Variants in PATJ observed in about 807,000 individuals in gnomAD.
PATJ encodes inaD-like protein.
PATJ carries 190 observed loss-of-function variants against 224.9 expected under a neutral mutation model. The observed-to-expected ratio is 0.84, with a 90% CI of 0.75 to 0.95. The LOEUF (loss-of-function observed/expected upper bound fraction) is 0.95, where lower values mean the gene tolerates loss of function less well. Ranked by LOEUF, PATJ falls within the 40% of genes least tolerant of loss-of-function variation. The pLI is 0.00. For missense variants in PATJ, 2,121 were observed against 2,270.3 expected (o/e 0.93, Z 1.34); for synonymous variants, 769 against 820.3 (o/e 0.94, Z 1.07).
intron 21 of PATJ, among the ~76,000 whole-genome samples, chr1:61,878,787 A>ATT (rs570059873): frequency 5.1e-4 from 75 of 145,780 alleles, no homozygotes; most frequent in Middle Eastern, 3.5e-3. Flanking sequence ...GAACTTATGG[A>ATT]TTTTTTTTTT....
intron 20 of PATJ, chr1:61,865,208 CTTT>C (rs1300057735): frequency 2.1e-5 from 3 of 142,548 alleles, no homozygotes; most frequent in Non-Finnish European, 4.6e-5. Flanking sequence ...ATAAAATTTT[CTTT>C]TCTCTTTTTT....
intron 27 of PATJ, among the ~76,000 whole-genome samples, chr1:61,934,057 T>A (rs532599761): frequency 2.0e-5 from 3 of 152,148 alleles, no homozygotes; most frequent in African/African-American, 7.2e-5. Flanking sequence ...TGCCTCAGCC[T>A]CCTCAGTAGC....
chr1:62,089,272 T>G (rs1660418545), intron 33 of PATJ, among the ~76,000 whole-genome samples: 1 of 152,106 alleles, frequency 6.6e-6, no homozygotes, highest in African/African-American at 2.4e-5. Context: ...TTGCATTCAT[T>G]TGTGCTGGTG....
At chr1:62,144,766 CAAAAA>C (rs546610971) in intron 41 of PATJ, among the ~76,000 whole-genome samples, 36 of 116,454 alleles carry the variant, frequency 3.1e-4, no homozygotes, top group East Asian at 1.0e-3. Context: ...ATGTTATTTG[CAAAAA>C]AAAAAAATAT....
chr1:61,767,802 G>A (rs1361316453), intron 4 of PATJ, among the ~76,000 whole-genome samples: 1 of 150,404 alleles, frequency 6.6e-6, no homozygotes, highest in Non-Finnish European at 1.5e-5. Flanking sequence ...TCAGCTTCCC[G>A]AGTAGCTGGG....
intron 28 of PATJ, among the ~76,000 whole-genome samples, chr1:61,994,006 T>C (rs1023458325): frequency 6.6e-6 from 1 of 152,190 alleles, no homozygotes; most frequent in Non-Finnish European, 1.5e-5. Flanking sequence ...AGATTAAACA[T>C]ACCAATAACT....
intron 21 of PATJ, among the ~76,000 whole-genome samples, chr1:61,883,373 T>G (rs1668358169): frequency 6.6e-6 from 1 of 152,138 alleles, no homozygotes; most frequent in African/African-American, 2.4e-5. Context: ...TTGGCAAAAT[T>G]TCTTAACCTC....
chr1:62,103,444 G>A (rs949388336), intron 33 of PATJ, among the ~76,000 whole-genome samples: 1 of 152,102 alleles, frequency 6.6e-6, no homozygotes, highest in Non-Finnish European at 1.5e-5. Flanking sequence ...AAATAAGAAT[G>A]GACAGGTGCT....
intron 18 of PATJ, among the ~76,000 whole-genome samples, chr1:61,858,115 C>A (rs1360539273): frequency 6.6e-6 from 1 of 152,096 alleles, no homozygotes; most frequent in African/African-American, 2.4e-5. Flanking sequence ...AGTTCTACAG[C>A]CTGTACAGGA....
At chr1:61,895,225 G>C (rs1188384454) in intron 22 of PATJ, among the ~76,000 whole-genome samples, 5 of 152,184 alleles carry the variant, frequency 3.3e-5, no homozygotes, top group Non-Finnish European at 7.4e-5. Context: ...TGGTAGAAAA[G>C]AAAAACCCAT....
chr1:61,839,535 T>C (rs1466249625), intron 17 of PATJ, among the ~76,000 whole-genome samples: 1 of 152,118 alleles, frequency 6.6e-6, no homozygotes, highest in Non-Finnish European at 1.5e-5. Context: ...ACCAAAAAGC[T>C]TGAAAAAAAA....
chr1:61,844,172 G>C (rs1661552869), intron 17 of PATJ, among the ~76,000 whole-genome samples: 1 of 152,312 alleles, frequency 6.6e-6, no homozygotes, highest in South Asian at 2.1e-4. Context: ...AAGACTCTCT[G>C]AGTGTTATTT....
chr1:61,899,397 T>C (rs1442595661), intron 22 of PATJ, among the ~76,000 whole-genome samples, 186 bp from the exon 23 acceptor site: 1 of 152,214 alleles, frequency 6.6e-6, no homozygotes, highest in South Asian at 2.1e-4. Flanking sequence ...GGTGGGGATT[T>C]GTTGAGTTGA....
intron 30 of PATJ, among the ~76,000 whole-genome samples, chr1:62,048,114 C>A (rs1558091706): frequency 6.6e-6 from 1 of 152,170 alleles, no homozygotes; most frequent in African/African-American, 2.4e-5. Flanking sequence ...GTATCATTAT[C>A]CTCATTTATG....
intron 30 of PATJ, among the ~76,000 whole-genome samples, chr1:62,042,456 T>C (rs1651694441): frequency 6.6e-6 from 1 of 152,178 alleles, no homozygotes; most frequent in African/African-American, 2.4e-5. Context: ...TATTGAGTAC[T>C]AAAGCATAAC....
chr1:61,873,017 A>T (rs906555808), intron 20 of PATJ, among the ~76,000 whole-genome samples: 6 of 152,180 alleles, frequency 3.9e-5, no homozygotes, highest in Non-Finnish European at 7.3e-5. Flanking sequence ...CAGAAAAAGT[A>T]GACCATTTTC....
At chr1:62,120,468 T>A (rs1203964926) in intron 37 of PATJ, among the ~76,000 whole-genome samples, 1 of 149,064 alleles carries the variant, frequency 6.7e-6, no homozygotes, top group Non-Finnish European at 1.5e-5. Flanking sequence ...TTTGCAATGT[T>A]TTCGTCTACA....
At chr1:62,106,220 A>G (rs1663029338) in intron 33 of PATJ, among the ~76,000 whole-genome samples, 1 of 118,970 alleles carries the variant, frequency 8.4e-6, no homozygotes, top group Non-Finnish European at 1.8e-5. Flanking sequence ...CTGTAATTCC[A>G]GCACTTTGGG....
chr1:62,145,922 C>A (rs1667996770), intron 41 of PATJ, among the ~76,000 whole-genome samples: 1 of 152,162 alleles, frequency 6.6e-6, no homozygotes, highest in Non-Finnish European at 1.5e-5. Flanking sequence ...CGTGCCACTG[C>A]ACTCCAGCCT....
Sources: allele counts gnomAD v4.1 joint callset (sites outside exome capture counted in the v4.1 genomes callset), GRCh38; gene constraint gnomAD v4.1.1; transcripts MANE v1.5; gene names NCBI Gene and HGNC (gene_info 2026-07-23, HGNC 2026-07-21).